SLC12A4: variants seen among roughly 807,000 people sequenced by gnomAD.
The protein encoded by SLC12A4 is solute carrier family 12 member 4, also known as electroneutral potassium-chloride cotransporter 1.
Under a neutral mutation model 119.2 loss-of-function variants are expected in SLC12A4, and 84 were observed. The observed-to-expected ratio is 0.70, with a 90% CI of 0.59 to 0.85. SLC12A4 has a LOEUF of 0.85. Ranked by LOEUF, SLC12A4 falls within the 40% of genes least tolerant of loss-of-function variation. SLC12A4 has a pLI of 0.00. For missense variants in SLC12A4, 1,298 were observed against 1,476.3 expected, an observed-to-expected ratio of 0.88 and a Z score of 1.98; for synonymous variants, 599 against 604.6, an observed-to-expected ratio of 0.99 and a Z score of 0.14.
Position 67,946,325 on chromosome 16 carries a change from G to A in SLC12A4, c.2453C>T (p.Thr818Ile). The A allele has an allele frequency of 6.2e-7, 1 of 1,610,528 alleles. No homozygotes were observed. Among genetic ancestry groups the A allele is most frequent in the Non-Finnish European group, 8.5e-7 (1 of 1,180,022 alleles). The change falls in exon 19 of 24, where the codon ACT becomes ATT. Residue 818 changes from threonine (T) to isoleucine (I), a missense_variant. By Grantham distance (89) the Thr-to-Ile change is moderately conservative. Transcript: ENST00000316341. ...GAGCAGGGCCAGGTGGGCAGCCGTA[G>A]TGCAGCGCACGGTGTCTGGGGAGGA... ...WKTFIDTVRC[T>I]TAAHLALLVP...
At position 67,951,342 on chromosome 16, in the gene SLC12A4, C is replaced by A. The variant is rs761187455; in HGVS notation, c.1133-38G>T. ...CTGTGTCACCACCACAGCTGCCCCC[C>A]ACTACCCCAGGTAGTTTGGGGCAGC... is the stretch of plus-strand genomic sequence containing the variant. On this transcript the variant is annotated intron_variant, in intron 8 of 23. Coordinates refer to ENST00000316341, the MANE Select transcript of SLC12A4 (RefSeq NM_005072.5). This position sits in a 1 kb window ranked among gnomAD's most constrained non-coding sequence, Gnocchi z 5.2. 5.6e-6 allele frequency: 9 copies of A among 1,593,410 alleles called. No individual in the cohort carries two copies. The highest frequency in any genetic ancestry group is 2.2e-5 in the East Asian group (1 of 44,642).
Position 67,944,273 on chromosome 16 carries a change from C to T in SLC12A4, c.*567G>A. ...AGGGAGCCGGCTCTGGGCCTGGGTT[C>T]AGTTCCGCCTTCTTCTCTTGGCGCC... On this transcript the variant is annotated 3_prime_UTR_variant, in exon 24 of 24. Coordinates refer to ENST00000316341, the MANE Select transcript of SLC12A4 (RefSeq NM_005072.5). This position sits in a 1 kb window ranked among gnomAD's most constrained non-coding sequence, Gnocchi z 6.6. 1 of 1,421,786 alleles carries T rather than the reference C, an allele frequency of 7.0e-7. No homozygotes were observed. Among genetic ancestry groups the T allele is most frequent in the East Asian group, 2.5e-5 (1 of 39,484 alleles). The allele number at this position is 1,421,786 out of a possible 1,614,324, so 88.1% of individuals were successfully genotyped here. A position where few individuals can be genotyped will look rare whatever the true frequency, so the allele number is the denominator to read the frequency against.
chr16:67,968,611 GC>G lies in SLC12A4; in HGVS notation c.-59del. ...CCAGCCGCCCGCCGCTGTCCCCGCC[GC>G]TGTCCCCGCCGCCCCGGGCCGACAC... is the stretch of plus-strand genomic sequence containing the variant. On this transcript the variant is annotated 5_prime_UTR_variant, in exon 1 of 24. Coordinates refer to ENST00000316341, the MANE Select transcript of SLC12A4 (RefSeq NM_005072.5). 1 of 1,388,876 alleles carries G rather than the reference GC, an allele frequency of 7.2e-7. No individual in the cohort carries two copies. Among genetic ancestry groups the G allele is most frequent in the Non-Finnish European group, 9.3e-7 (1 of 1,074,800 alleles). 86.0% of individuals were successfully genotyped at this position (1,388,876 alleles called of 1,614,324 possible).
In SLC12A4 at chr16:67,964,083, C is replaced by T. The variant is rs2030744466; in HGVS notation, c.116-524G>A. ...CATGCACTGCGCGGGGGGCGTCCTG[C>T]AGGGCAGCCCGGGGCATGCCGGGAG... is the stretch of plus-strand genomic sequence containing the variant. On this transcript the variant is annotated intron_variant, in intron 1 of 23. Coordinates refer to ENST00000316341, the MANE Select transcript of SLC12A4 (RefSeq NM_005072.5). 5 of 1,531,900 alleles carry T rather than the reference C, an allele frequency of 3.3e-6. No homozygotes were observed. In the Admixed American group the frequency reaches 7.9e-5, roughly 24 times the overall value. The allele number at this position is 1,531,900 out of a possible 1,614,324, so 94.9% of individuals were successfully genotyped here.
Position 67,944,083 on chromosome 16 carries a change from G to T in SLC12A4, c.*757C>A. ...AGCAGCAGCGTCACCCACTGCCATG[G>T]GGAGCCGGGCGGCCCCATTCCAGCC... is the stretch of plus-strand genomic sequence containing the variant. On this transcript the variant is annotated 3_prime_UTR_variant, in exon 24 of 24. Coordinates refer to ENST00000316341, the MANE Select transcript of SLC12A4 (RefSeq NM_005072.5). The surrounding 1 kb of genome is among the most constrained non-coding windows in gnomAD (Gnocchi z 6.6). The T allele has an allele frequency of 6.5e-7, 1 of 1,548,010 alleles. No individual in the cohort carries two copies. The highest frequency in any genetic ancestry group is 2.2e-4 in the Middle Eastern group (1 of 4,530).
Position 67,950,219 on chromosome 16 carries a change from A to C in SLC12A4, c.1629+100T>G. On this transcript the variant is annotated intron_variant, in intron 12 of 23. Transcript: ENST00000316341. This position sits in a 1 kb window ranked among gnomAD's most constrained non-coding sequence, Gnocchi z 4.3. ...GATGGCCGCCTGGCCCCGGGGGCCA[A>C]TAAGGGCAGGACGTGCTGCATCTGT... 1 of 1,424,984 alleles carries C rather than the reference A, an allele frequency of 7.0e-7. No homozygotes were observed. The highest frequency in any genetic ancestry group is 2.3e-5 in the East Asian group (1 of 43,458). 88.3% of individuals were successfully genotyped at this position (1,424,984 alleles called of 1,614,324 possible).
Position 67,957,961 on chromosome 16 carries a change from G to C in SLC12A4, c.426C>G (p.Thr142=). The change falls in exon 4 of 24, where the codon ACC becomes ACG. Residue 142 remains threonine, a synonymous_variant. Coordinates refer to ENST00000316341, the MANE Select transcript of SLC12A4 (RefSeq NM_005072.5). ...GCACACCTGCTGTGCCCACCATCCA[G>C]GTCAGCCGCAGGAAGAGGATAACCC... is the stretch of plus-strand genomic sequence containing the variant. The part of the protein sequence containing the change: ...IFGVILFLRL[T]WMVGTAGVLQ... The C allele has an allele frequency of 1.2e-6, 2 of 1,614,216 alleles. No homozygotes were observed. The highest frequency in any genetic ancestry group is 1.1e-5 in the South Asian group (1 of 91,086).
rs3785103 is a variant in SLC12A4, at chr16:67,966,194, C to G, written c.115+2245G>C. On this transcript the variant is annotated intron_variant, in intron 1 of 23. Coordinates refer to ENST00000316341, the MANE Select transcript of SLC12A4 (RefSeq NM_005072.5). ...ACTTGTTTTTCCAACTGCCCAGATG[C>G]ACTAGAAAAGGGACAGTTAGTGCCA... 2.0e-5 allele frequency among the ~76,000 whole-genome samples: 3 copies of G among 152,334 alleles called. No individual in the cohort carries two copies. In the East Asian group the frequency reaches 5.8e-4, roughly 29 times the overall value.
rs371253580 is a variant in SLC12A4, at chr16:67,945,834, G to A, written c.2777C>T (p.Thr926Met). The A allele has an allele frequency of 3.1e-5, 50 of 1,613,888 alleles. No individual in the cohort carries two copies. The highest frequency in any genetic ancestry group is 5.5e-5 in the South Asian group (5 of 91,090). Residue 926 changes from threonine to methionine, a missense_variant, in exon 21 of 24, where the codon ACG becomes ATG. Transcript: ENST00000316341. The stretch of plus-strand genomic sequence containing the variant: ...CTGCGACCGCTGCTCCATCATCAGC[G>A]TCCGCTCGTAGGTGTATGCAGAGAT... ...SDISAYTYER[T>M]LMMEQRSQML...
In SLC12A4 at chr16:67,946,564, G is replaced by C; in HGVS notation, c.2311C>G (p.Arg771Gly). 1 of 1,612,508 alleles carries C rather than the reference G, an allele frequency of 6.2e-7. No individual in the cohort carries two copies. ...TGGATGAGGTGGGCCAGCCCCTCCC[G>C]CACCTTGCTGGCCACCACCACCTGG... ...FCQVVVASKVREGLAHLIQSC... is the reference protein window; with the variant it reads ...FCQVVVASKVGEGLAHLIQSC... Residue 771 changes from arginine to glycine, a missense_variant, in exon 18 of 24, where the codon CGG (arginine) becomes GGG (glycine). Transcript: ENST00000316341.
chr16:67,946,170 C>T lies in SLC12A4; in HGVS notation c.2607+1G>A. ...TCATCTGCACCCACCCCCTGGTCTA[C>T]CTTATGCTGGCGCAGCAGGAAGGGC... On this transcript the variant is annotated splice_donor_variant, in intron 19 of 23. Coordinates refer to ENST00000316341, the MANE Select transcript of SLC12A4 (RefSeq NM_005072.5). LOFTEE classifies it high-confidence loss of function. 6.2e-7 allele frequency: 1 copy of T among 1,613,972 alleles called. No homozygotes were observed. The highest frequency in any genetic ancestry group is 2.2e-5 in the East Asian group (1 of 44,886).
chr16:67,952,192 G>A lies in SLC12A4; in HGVS notation c.909C>T (p.Pro303=), dbSNP rs146551703. The change falls in exon 7 of 24, where the codon CCC becomes CCT. Residue 303 remains proline (P), a synonymous_variant. Transcript: ENST00000316341. ...ATTCCTGGGTTACTTACGGAAACACGGGAGGGTCAAATATAGACTTTATGC... is the reference window on the plus strand; with the variant it reads ...ATTCCTGGGTTACTTACGGAAACACAGGAGGGTCAAATATAGACTTTATGC... ...AGGIKSIFDP[P]VFPVCMLGNR... 1,544 of 1,613,946 alleles carry A rather than the reference G, an allele frequency of 9.6e-4. 20 individuals are homozygous for A. The African/African-American group carries it at 0.018, about 19-fold the overall frequency.
chr16:67,958,123 G>GGCCC, intron 3 of SLC12A4, 79 bp from the exon 4 acceptor site: 1 of 1,511,446 alleles, frequency 6.6e-7, no homozygotes, highest in Non-Finnish European at 9.0e-7. Context: ...TCACTCAGCA[G>GGCCC]GCCCCCTCCC....
chr16:67,943,882 C>T lies in SLC12A4; in HGVS notation c.*958G>A. 1 of 1,440,526 alleles carries T rather than the reference C, an allele frequency of 6.9e-7. No homozygotes were observed. Among genetic ancestry groups the T allele is most frequent in the Non-Finnish European group, 9.3e-7 (1 of 1,069,574 alleles). The allele number at this position is 1,440,526 out of a possible 1,614,324, so 89.2% of individuals were successfully genotyped here. ...AGAAGGGCTTTGGCCAGGTCAGCTG[C>T]CAGGGGCTGGGGCCCAGGCTCCCCA... On this transcript the variant is annotated 3_prime_UTR_variant, in exon 24 of 24. Coordinates refer to ENST00000316341, the MANE Select transcript of SLC12A4 (RefSeq NM_005072.5). The surrounding 1 kb of genome is among the most constrained non-coding windows in gnomAD (Gnocchi z 4.6).
intron 2 of SLC12A4, 127 bp from the exon 3 acceptor site, chr16:67,961,833 C>T: frequency 7.1e-6 from 9 of 1,261,016 alleles, no homozygotes; most frequent in Admixed American, 2.1e-5. Context: ...CCAGTTCCTA[C>T]CTGGGGAAGT....
intron 1 of SLC12A4, chr16:67,963,878 C>T (rs1401489477): frequency 2.6e-6 from 4 of 1,537,012 alleles, no homozygotes; most frequent in Admixed American, 4.0e-5. Context: ...GCGTTTGACC[C>T]GCCCCCAGAT....
chr16:67,944,680 C>T lies in SLC12A4; in HGVS notation c.*160G>A. 1 of 1,431,620 alleles carries T rather than the reference C, an allele frequency of 7.0e-7. No individual in the cohort carries two copies. The highest frequency in any genetic ancestry group is 9.1e-7 in the Non-Finnish European group (1 of 1,096,670). 88.7% of individuals were successfully genotyped at this position (1,431,620 alleles called of 1,614,324 possible). A position where few individuals can be genotyped will look rare whatever the true frequency, so the allele number is the denominator to read the frequency against. On this transcript the variant is annotated 3_prime_UTR_variant, in exon 24 of 24. Coordinates refer to ENST00000316341, the MANE Select transcript of SLC12A4 (RefSeq NM_005072.5). This position sits in a 1 kb window ranked among gnomAD's most constrained non-coding sequence, Gnocchi z 6.6. Reference sequence around the variant, plus strand: ...CTGGGATCCATCTCCATTTTGAGGCCCAGGCCTGGTTTCCAAGGAGACCTA... The same window carrying T: ...CTGGGATCCATCTCCATTTTGAGGCTCAGGCCTGGTTTCCAAGGAGACCTA...
chr16:67,954,174 C>A, intron 6 of SLC12A4: 1 of 396,546 alleles, frequency 2.5e-6, no homozygotes, highest in Non-Finnish European at 5.0e-6. Flanking sequence ...CCATGGGGCT[C>A]GTGGAGGGAG....
Position 67,952,257 on chromosome 16 carries a change from C to T in SLC12A4, c.844G>A (p.Ala282Thr). The T allele has an allele frequency of 9.3e-6, 15 of 1,614,096 alleles. No homozygotes were observed. The highest frequency in any genetic ancestry group is 1.2e-5 in the Non-Finnish European group (14 of 1,180,012). The change falls in exon 7 of 24, where the codon GCC (alanine) becomes ACC (threonine). Residue 282 changes from alanine (A) to threonine (T), a missense_variant. Physicochemically the swap from Ala to Thr is moderately conservative, Grantham distance 58. Transcript: ENST00000316341. ...YVNKFASLFL[A>T]CVIISILSIY... ...GAGAGGATGGAGATGATCACACAGG[C>T]CAGGAAGAGCGAGGCAAATTTGTTC... is the stretch of plus-strand genomic sequence containing the variant.
Sources: allele counts gnomAD v4.1 joint callset (sites outside exome capture counted in the v4.1 genomes callset), GRCh38; gene constraint gnomAD v4.1.1; non-coding constraint Gnocchi (gnomAD v3.1); transcripts MANE v1.5; gene names NCBI Gene and HGNC (gene_info 2026-07-23, HGNC 2026-07-21).